The following U2SURP variants were observed in gnomAD, a reference collection of about 807,000 sequenced individuals.
The protein encoded by U2SURP is U2 snRNP-associated SURP motif-containing protein.
A neutral mutation model predicts 144.9 loss-of-function variants in U2SURP; 9 were observed. The observed-to-expected ratio is 0.06, with a 90% confidence interval of 0.04 to 0.11. The LOEUF (loss-of-function observed/expected upper bound fraction) is 0.11, where lower values mean the gene tolerates loss of function less well. Ranked by LOEUF, U2SURP falls within the 10% of genes least tolerant of loss-of-function variation. The pLI, the probability that U2SURP is intolerant of heterozygous loss-of-function variation, is 1.00. For synonymous variants in U2SURP, 408 were observed against 396.8 expected (o/e 1.03, Z -0.33); for missense variants, 724 against 1,226.7 (o/e 0.59, Z 6.12).
At chr3:143,015,105 TATGA>T (rs1471557331) in intron 4 of U2SURP, among the ~76,000 whole-genome samples, 4 of 152,128 alleles carry the variant, frequency 2.6e-5, no homozygotes, top group Admixed American at 6.5e-5. Context: ...GTCAGTAGTG[TATGA>T]ATGAATGTTT....
At chr3:143,038,563 A>G (rs1338085572) in intron 22 of U2SURP, among the ~76,000 whole-genome samples, 1 of 152,056 alleles carries the variant, frequency 6.6e-6, no homozygotes, top group Non-Finnish European at 1.5e-5. Context: ...ATTAGATGCA[A>G]TTTAGACCTG....
At chr3:143,036,322 G>GT (rs143453376) in intron 20 of U2SURP, among the ~76,000 whole-genome samples, 6 of 151,778 alleles carry the variant, frequency 4.0e-5, no homozygotes, top group Admixed American at 6.6e-5. Flanking sequence ...ATTGGTGAGT[G>GT]TTTTTTTTAT....
chr3:143,004,581 C>CA (rs1935734277), intron 1 of U2SURP, among the ~76,000 whole-genome samples: 2 of 129,928 alleles, frequency 1.5e-5, no homozygotes, highest in East Asian at 2.3e-4. Context: ...TGACCCCCCC[C>CA]CCCCGCCTCG....
intron 21 of U2SURP, among the ~76,000 whole-genome samples, chr3:143,037,585 C>A (rs1933881597): frequency 6.6e-6 from 1 of 152,030 alleles, no homozygotes; most frequent in Non-Finnish European, 1.5e-5. Flanking sequence ...CAATCAGCCT[C>A]CTATAATATT....
At chr3:143,043,707 T>C (rs958009343) in intron 24 of U2SURP, among the ~76,000 whole-genome samples, 1 of 105,584 alleles carries the variant, frequency 9.5e-6, no homozygotes, top group Non-Finnish European at 1.8e-5. Context: ...TTCTAATGTA[T>C]AGATTATATG....
At chr3:143,028,681 A>C in intron 16 of U2SURP, 35 bp downstream of exon 16, 4 of 1,539,612 alleles carry the variant, frequency 2.6e-6, no homozygotes, top group Non-Finnish European at 3.5e-6. Context: ...TATATTCAGA[A>C]AAGTAACTGT....
intron 2 of U2SURP, among the ~76,000 whole-genome samples, chr3:143,011,678 T>C (rs1044428151): frequency 1.3e-5 from 2 of 152,098 alleles, no homozygotes; most frequent in Non-Finnish European, 2.9e-5. Flanking sequence ...AGAAATAATT[T>C]TTACTGCTTG....
In U2SURP at chr3:143,032,684, T is replaced by C. The variant is rs771006882; in HGVS notation, c.1611-100T>C. The C allele has an allele frequency of 7.7e-5, 81 of 1,050,716 alleles. 2 individuals are homozygous for C. The highest frequency in any genetic ancestry group is 4.8e-4 in the Admixed American group (20 of 41,418). 65.1% of individuals were successfully genotyped at this position (1,050,716 alleles called of 1,614,324 possible). A position where few individuals can be genotyped will look rare whatever the true frequency, so the allele number is the denominator to read the frequency against. ...TGTATTACAGTCTTCAGAATTATTT[T>C]ATGTGAGTAGGTTTTAAAGAAATTA... is the stretch of plus-strand genomic sequence containing the variant. On this transcript the variant is annotated intron_variant, in intron 16 of 27. Transcript: ENST00000473835.
At chr3:143,018,027 G>T (rs979991393) in intron 6 of U2SURP, among the ~76,000 whole-genome samples, 1 of 152,080 alleles carries the variant, frequency 6.6e-6, no homozygotes, top group African/African-American at 2.4e-5. Flanking sequence ...TTTGAGACCA[G>T]CCTGGGCAAC....
At chr3:143,006,577 G>T (rs1236605680) in intron 1 of U2SURP, among the ~76,000 whole-genome samples, 2 of 152,054 alleles carry the variant, frequency 1.3e-5, no homozygotes, top group African/African-American at 4.8e-5. Flanking sequence ...CCAATATGGA[G>T]AAACCCCATC....
chr3:143,051,618 A>AAAG (rs1934863782), intron 25 of U2SURP, among the ~76,000 whole-genome samples: 1 of 150,910 alleles, frequency 6.6e-6, no homozygotes, highest in African/African-American at 2.4e-5. Flanking sequence ...AAAAAAAAAA[A>AAAG]AAAGAAAAAC....
In U2SURP at chr3:143,056,645, T is replaced by C; in HGVS notation, c.*195T>C. 1.8e-6 allele frequency: 1 copy of C among 553,452 alleles called. No individual in the cohort carries two copies. Among genetic ancestry groups the C allele is most frequent in the Non-Finnish European group, 3.0e-6 (1 of 328,442 alleles). The allele number at this position is 553,452 out of a possible 1,614,324, so 34.3% of individuals were successfully genotyped here. A position where few individuals can be genotyped will look rare whatever the true frequency, so the allele number is the denominator to read the frequency against. The stretch of plus-strand genomic sequence containing the variant: ...TTGTTTTATATTGTGTAAATTACTT[T>C]CATTGTGGCTATTTCTCAAGATGAA... On this transcript the variant is annotated 3_prime_UTR_variant, in exon 28 of 28. Transcript: ENST00000473835.
chr3:143,031,076 G>A (rs1933455326), intron 16 of U2SURP, among the ~76,000 whole-genome samples: 1 of 152,142 alleles, frequency 6.6e-6, no homozygotes, highest in Non-Finnish European at 1.5e-5. Flanking sequence ...GCTCAAAGAT[G>A]GGACTGAATT....
At chr3:143,007,676 T>C (rs1935915967) in intron 1 of U2SURP, among the ~76,000 whole-genome samples, 1 of 152,060 alleles carries the variant, frequency 6.6e-6, no homozygotes, top group African/African-American at 2.4e-5. Context: ...CTCCTCTGAC[T>C]TTGTGATCCG....
At position 143,040,821 on chromosome 3, in the gene U2SURP, A is replaced by C. The variant is rs1934063165; in HGVS notation, c.2384+1861A>C. 3.3e-5 allele frequency among the ~76,000 whole-genome samples: 5 copies of C among 151,950 alleles called. No homozygotes were observed. In the South Asian group the frequency reaches 6.2e-4, roughly 19 times the overall value. ...AATAGAGCTCATTTAAAAAGTCTTA[A>C]GTAATATGGTTAAATGTTTAATGTT... On this transcript the variant is annotated intron_variant, in intron 23 of 27. Coordinates refer to ENST00000473835, the MANE Select transcript of U2SURP (RefSeq NM_001080415.2).
chr3:143,009,001 A>G (rs1481545471), intron 1 of U2SURP, among the ~76,000 whole-genome samples: 1 of 152,124 alleles, frequency 6.6e-6, no homozygotes, highest in Non-Finnish European at 1.5e-5. Flanking sequence ...CGGCCTCCCA[A>G]AGTGCTCGGA....
At chr3:143,027,616 G>A (rs1331096924) in intron 14 of U2SURP, among the ~76,000 whole-genome samples, 1 of 151,968 alleles carries the variant, frequency 6.6e-6, no homozygotes. Context: ...CATGTATCGG[G>A]ATTTCCTTTT....
intron 24 of U2SURP, among the ~76,000 whole-genome samples, chr3:143,047,568 CG>C (rs1934578349): frequency 2.3e-5 from 1 of 43,256 alleles, no homozygotes; most frequent in African/African-American, 9.6e-5. Flanking sequence ...GCTGGCTGGG[CG>C]GGGGGCTGAC....
At chr3:143,036,317 TGA>T (rs1489349639) in intron 20 of U2SURP, among the ~76,000 whole-genome samples, 3 of 152,130 alleles carry the variant, frequency 2.0e-5, no homozygotes, top group Admixed American at 6.5e-5. Context: ...TGAAAATTGG[TGA>T]GTGTTTTTTT....
Sources: gnomAD v4.1 joint callset for allele counts (sites outside exome capture counted in the v4.1 genomes callset) on GRCh38, gnomAD v4.1.1 for gene constraint, MANE v1.5 for transcripts, NCBI Gene and HGNC (gene_info 2026-07-23, HGNC 2026-07-21) for gene names.